MYO18A: variants seen among roughly 807,000 people sequenced by gnomAD.
MYO18A encodes myosin XVIIIA.
Under a neutral mutation model 235.8 loss-of-function variants are expected in MYO18A, and 78 were observed. The ratio of observed to expected loss-of-function variants is 0.33; its 90% CI spans 0.28 to 0.40. The LOEUF (loss-of-function observed/expected upper bound fraction) is 0.40, where lower values mean the gene tolerates loss of function less well. Ranked by LOEUF, MYO18A falls within the 10% of genes least tolerant of loss-of-function variation. The pLI is 1.00. For missense variants in MYO18A, 2,215 were observed against 2,699.3 expected (o/e 0.82, Z 3.98); for synonymous variants, 977 against 1,077.8 (o/e 0.91, Z 1.83).
intron 2 of MYO18A, among the ~76,000 whole-genome samples, chr17:29,147,973 T>A (rs761241977): frequency 6.7e-6 from 1 of 149,916 alleles, no homozygotes; most frequent in Non-Finnish European, 1.5e-5. Context: ...ATTCTGGCAG[T>A]TGATGGGGAA....
chr17:29,088,966 A>G (rs1410056893), intron 37 of MYO18A, among the ~76,000 whole-genome samples: 1 of 151,188 alleles, frequency 6.6e-6, no homozygotes, highest in Non-Finnish European at 1.5e-5. Flanking sequence ...GGATTGCTTG[A>G]GCCCAGGAGG....
At chr17:29,108,300 G>A (rs987378878) in intron 19 of MYO18A, among the ~76,000 whole-genome samples, 1 of 152,148 alleles carries the variant, frequency 6.6e-6, no homozygotes, top group African/African-American at 2.4e-5. Context: ...CTGGGCTTCA[G>A]GTCAGGGGAG....
In MYO18A at chr17:29,140,714, T is replaced by C. The variant is rs2067719483; in HGVS notation, c.1000-18461A>G. On this transcript the variant is annotated intron_variant, in intron 2 of 41. Transcript: ENST00000527372. This position sits in a 1 kb window ranked among gnomAD's most constrained non-coding sequence, Gnocchi z 4.2. ...GCTGGGCTGATATGGCTCCTAAAAA[T>C]AGCAGAGGAATTTGAGACCTGCAGC... Among the ~76,000 whole-genome samples, 1 of 151,590 alleles carries C rather than the reference T, an allele frequency of 6.6e-6. No homozygotes were observed. Among genetic ancestry groups the C allele is most frequent in the Admixed American group, 6.6e-5 (1 of 15,228 alleles).
In MYO18A at chr17:29,090,758, C is replaced by T. The variant is rs530747131; in HGVS notation, c.5304+52G>A. The T allele has an allele frequency of 4.7e-5, 73 of 1,569,072 alleles. No individual in the cohort carries two copies. The African/African-American group carries it at 9.2e-4, about 20-fold the overall frequency. On this transcript the variant is annotated intron_variant, in intron 35 of 41. Coordinates refer to ENST00000527372, the MANE Select transcript of MYO18A (RefSeq NM_078471.4). Reference sequence around the variant, plus strand: ...TTGTGCGGGGGACCCATGAGGAGGACCACAAGGATGGTGACGGTGCAGAGT... The same window carrying T: ...TTGTGCGGGGGACCCATGAGGAGGATCACAAGGATGGTGACGGTGCAGAGT...
chr17:29,130,227 G>A (rs1327726895), intron 2 of MYO18A, among the ~76,000 whole-genome samples: 1 of 146,962 alleles, frequency 6.8e-6, no homozygotes, highest in East Asian at 2.1e-4. Flanking sequence ...TTGAGCCTGG[G>A]AGGCAGAGGT....
At chr17:29,154,222 G>T (rs1375343154) in intron 2 of MYO18A, among the ~76,000 whole-genome samples, 1 of 152,106 alleles carries the variant, frequency 6.6e-6, no homozygotes, top group Non-Finnish European at 1.5e-5. Flanking sequence ...TCGAAGTTAG[G>T]TGATGATGGA....
chr17:29,119,684 C>A (rs545213435), intron 7 of MYO18A, among the ~76,000 whole-genome samples: 13 of 151,662 alleles, frequency 8.6e-5, no homozygotes, highest in Non-Finnish European at 1.9e-4. Context: ...CTGCCTTGGC[C>A]TCCTGAGTAG....
chr17:29,118,478 C>A lies in MYO18A; in HGVS notation c.1830-38G>T. ...ATAAGGCATCAGCACGGCACTTGGTCCCCATGCCAAGGCCATTTCCGCCCA... is the reference window on the plus strand; with the variant it reads ...ATAAGGCATCAGCACGGCACTTGGTACCCATGCCAAGGCCATTTCCGCCCA... On this transcript the variant is annotated intron_variant, in intron 8 of 41. Transcript: ENST00000527372. This position sits in a 1 kb window ranked among gnomAD's most constrained non-coding sequence, Gnocchi z 4.2. 1.3e-6 allele frequency: 2 copies of A among 1,568,064 alleles called. No homozygotes were observed. Among genetic ancestry groups the A allele is most frequent in the East Asian group, 2.3e-5 (1 of 43,738 alleles).
intron 41 of MYO18A, chr17:29,078,215 C>G (rs1360951571): frequency 6.6e-6 from 1 of 152,274 alleles, no homozygotes; most frequent in Non-Finnish European, 1.5e-5. Flanking sequence ...CGGGGTTTCA[C>G]CATCTTGGCC....
chr17:29,144,048 C>T (rs183378495), intron 2 of MYO18A, among the ~76,000 whole-genome samples: 106 of 152,336 alleles, frequency 7.0e-4, no homozygotes, highest in Admixed American at 6.9e-3. Flanking sequence ...AGCTGTCACT[C>T]GTCTGTCAGT....
In MYO18A at chr17:29,140,455, T is replaced by A. The variant is rs1420482722; in HGVS notation, c.1000-18202A>T. On this transcript the variant is annotated intron_variant, in intron 2 of 41. Transcript: ENST00000527372. The surrounding 1 kb of genome is among the most constrained non-coding windows in gnomAD (Gnocchi z 4.2). ...GTGGCCCCGCCCAGTTCCCGCCCTC[T>A]CCCCGGCCCCTCCCGTCCCGAGCTG... 4.1e-6 allele frequency: 5 copies of A among 1,221,418 alleles called. No homozygotes were observed. The highest frequency in any genetic ancestry group is 5.2e-6 in the Non-Finnish European group (5 of 954,962). The allele number at this position is 1,221,418 out of a possible 1,614,324, so 75.7% of individuals were successfully genotyped here. A position where few individuals can be genotyped will look rare whatever the true frequency, so the allele number is the denominator to read the frequency against.
intron 2 of MYO18A, among the ~76,000 whole-genome samples, chr17:29,135,821 T>C (rs1246441117): frequency 6.6e-6 from 1 of 152,270 alleles, no homozygotes; most frequent in Non-Finnish European, 1.5e-5. Flanking sequence ...GAGCAAGTTA[T>C]CCTGGAACTG....
Position 29,080,936 on chromosome 17 carries a change from G to A in MYO18A, c.6020+1380C>T, listed in dbSNP as rs1252740666. On this transcript the variant is annotated intron_variant, in intron 41 of 41. Transcript: ENST00000527372. Reference sequence around the variant, plus strand: ...GAGTCCTTTAGGGTGAGCCGCTTCCGATAGCTCAGGGAGCTCACCACCGAG... The same window carrying A: ...GAGTCCTTTAGGGTGAGCCGCTTCCAATAGCTCAGGGAGCTCACCACCGAG... 9.1e-6 allele frequency: 9 copies of A among 985,326 alleles called. No homozygotes were observed. The East Asian group carries it at 8.0e-4, about 87-fold the overall frequency. The allele number at this position is 985,326 out of a possible 1,614,324, so 61.0% of individuals were successfully genotyped here. A position where few individuals can be genotyped will look rare whatever the true frequency, so the allele number is the denominator to read the frequency against.
intron 14 of MYO18A, chr17:29,114,307 C>T (rs757158602): frequency 1.8e-4 from 98 of 547,198 alleles, no homozygotes; most frequent in Non-Finnish European, 2.7e-4. Flanking sequence ...TCTTTTTATC[C>T]GAAGCCAGAG....
intron 2 of MYO18A, chr17:29,134,034 A>G: frequency 2.9e-6 from 1 of 340,872 alleles, no homozygotes; most frequent in Non-Finnish European, 5.7e-6. Flanking sequence ...TATTAAAGGA[A>G]AATGAAGGAA....
Position 29,121,277 on chromosome 17 carries a change from C to A in MYO18A, c.1372-66G>T. On this transcript the variant is annotated intron_variant, in intron 5 of 41. Transcript: ENST00000527372. This position sits in a 1 kb window ranked among gnomAD's most constrained non-coding sequence, Gnocchi z 4.2. ...GCTGATCCCATTAAGACACCCCTCA[C>A]CCCCAAGGTCCACATCTTTCTGGAT... 1.3e-6 allele frequency: 2 copies of A among 1,488,078 alleles called. No individual in the cohort carries two copies. Among genetic ancestry groups the A allele is most frequent in the Non-Finnish European group, 9.1e-7 (1 of 1,094,574 alleles). The allele number at this position is 1,488,078 out of a possible 1,614,324, so 92.2% of individuals were successfully genotyped here.
chr17:29,120,232 G>A lies in MYO18A; in HGVS notation c.1728+384C>T, dbSNP rs539348747. Among the ~76,000 whole-genome samples the A allele has an allele frequency of 1.3e-5, 2 of 152,364 alleles. No homozygotes were observed. Among genetic ancestry groups the A allele is most frequent in the South Asian group, 4.1e-4 (2 of 4,830 alleles). The stretch of plus-strand genomic sequence containing the variant: ...GAGCTTGTGGTGAGGTATTTAGCAT[G>A]GGAGGGAATCAGCCTTGGCTGGGCC... On this transcript the variant is annotated intron_variant, in intron 7 of 41. Coordinates refer to ENST00000527372, the MANE Select transcript of MYO18A (RefSeq NM_078471.4). The surrounding 1 kb of genome is among the most constrained non-coding windows in gnomAD (Gnocchi z 4.2).
chr17:29,092,674 G>A (rs1005618816), intron 33 of MYO18A, among the ~76,000 whole-genome samples, 181 bp downstream of exon 33: 31 of 152,152 alleles, frequency 2.0e-4, no homozygotes, highest in African/African-American at 7.2e-4. Context: ...CAGGCTGGGC[G>A]GTGAGACAGT....
chr17:29,143,039 C>A (rs1362131821), intron 2 of MYO18A, among the ~76,000 whole-genome samples: 1 of 152,156 alleles, frequency 6.6e-6, no homozygotes, highest in African/African-American at 2.4e-5. Flanking sequence ...AACTCCTGAC[C>A]GCAAGTGATC....
Sources: gnomAD v4.1 joint callset for allele counts (sites outside exome capture counted in the v4.1 genomes callset) on GRCh38, gnomAD v4.1.1 for gene constraint, Gnocchi (gnomAD v3.1) non-coding constraint, MANE v1.5 for transcripts, NCBI Gene and HGNC (gene_info 2026-07-23, HGNC 2026-07-21) for gene names.